HDLBP: variants seen among roughly 807,000 people sequenced by gnomAD.
HDLBP encodes high density lipoprotein binding protein.
A neutral mutation model predicts 137.3 loss-of-function variants in HDLBP; 30 were observed. The observed-to-expected ratio is 0.22, with a 90% CI of 0.16 to 0.30. HDLBP has a LOEUF of 0.30. HDLBP is among the 10% of genes least tolerant of loss of function. The pLI is 1.00. For missense variants in HDLBP, 1,119 were observed against 1,667.3 expected, an observed-to-expected ratio of 0.67 and a Z score of 5.73; for synonymous variants, 606 against 596.0, an observed-to-expected ratio of 1.02 and a Z score of -0.24.
At chr2:241,298,063 AAAAAAAAAAAAAAAAAAAAG>A (rs1426412508) in intron 1 of HDLBP, among the ~76,000 whole-genome samples, 2 of 141,112 alleles carry the variant, frequency 1.4e-5, no homozygotes, top group Admixed American at 7.2e-5. Context: ...AAAAAAAAAA[AAAAAAAAAAAAAAAAAAAAG>A]GGCCAGGCAT....
intron 1 of HDLBP, among the ~76,000 whole-genome samples, chr2:241,303,222 G>A (rs938860486): frequency 6.6e-6 from 1 of 152,184 alleles, no homozygotes; most frequent in African/African-American, 2.4e-5. Context: ...TTTAGAGGCC[G>A]ACAGAAGGGC....
At chr2:241,269,242 A>T (rs2073895049) in intron 1 of HDLBP, 1 of 152,220 alleles carries the variant, frequency 6.6e-6, no homozygotes, top group Non-Finnish European at 1.5e-5. Flanking sequence ...TGGCGACCAC[A>T]TGTGCTCCTC....
At chr2:241,311,750 T>C (rs1384910919) in intron 1 of HDLBP, among the ~76,000 whole-genome samples, 1 of 152,244 alleles carries the variant, frequency 6.6e-6, no homozygotes, top group Admixed American at 6.5e-5. Context: ...AAAACAATCC[T>C]ATTATACCAC....
At chr2:241,286,284 A>AAATAAATC (rs2074805184) in intron 1 of HDLBP, among the ~76,000 whole-genome samples, 1 of 152,146 alleles carries the variant, frequency 6.6e-6, no homozygotes, top group Non-Finnish European at 1.5e-5. Flanking sequence ...TCTGAAAGGA[A>AAATAAATC]AATAAATCTT....
chr2:241,238,864 C>A lies in HDLBP; in HGVS notation c.2611-77G>T. 8.2e-7 allele frequency: 1 copy of A among 1,215,548 alleles called. No homozygotes were observed. The highest frequency in any genetic ancestry group is 1.1e-6 in the Non-Finnish European group (1 of 884,142). The allele number at this position is 1,215,548 out of a possible 1,614,324, so 75.3% of individuals were successfully genotyped here. ...AGGGCAAGTTTTACAGCACTCTTCACACCACCTTCCTCCCTGTCCTCTACA... is the reference window on the plus strand; with the variant it reads ...AGGGCAAGTTTTACAGCACTCTTCAAACCACCTTCCTCCCTGTCCTCTACA... On this transcript the variant is annotated intron_variant, in intron 19 of 27. Coordinates refer to ENST00000310931, the MANE Select transcript of HDLBP (RefSeq NM_005336.6). The surrounding 1 kb of genome is among the most constrained non-coding windows in gnomAD (Gnocchi z 4.9).
chr2:241,267,456 G>T, intron 2 of HDLBP: 4 of 881,310 alleles, frequency 4.5e-6, no homozygotes, highest in Non-Finnish European at 7.2e-6. Context: ...ACCCCTAACC[G>T]CAGGGGTGGG....
intron 1 of HDLBP, among the ~76,000 whole-genome samples, chr2:241,287,339 G>C (rs2074853484): frequency 1.3e-5 from 2 of 151,518 alleles, no homozygotes; most frequent in Non-Finnish European, 2.9e-5. Context: ...TCAAACTTCT[G>C]ACACCGTGAT....
In HDLBP at chr2:241,305,854, G is replaced by A. The variant is rs760813772; in HGVS notation, c.-103+9716C>T. ...GGCTCACTGCAAAGTTCCGCCTCCC[G>A]GGTTCACGCCATTCTCCTGCCTCAG... On this transcript the variant is annotated intron_variant, in intron 1 of 27. Coordinates refer to ENST00000310931, the MANE Select transcript of HDLBP (RefSeq NM_005336.6). Among the ~76,000 whole-genome samples the A allele has an allele frequency of 5.4e-5, 8 of 149,166 alleles. No homozygotes were observed. In the South Asian group the frequency reaches 8.7e-4, roughly 16 times the overall value.
chr2:241,312,807 A>C (rs1039318982), intron 1 of HDLBP, among the ~76,000 whole-genome samples: 4 of 152,242 alleles, frequency 2.6e-5, no homozygotes, highest in Non-Finnish European at 5.9e-5. Context: ...GCACTAATGG[A>C]GAATCCATAT....
intron 4 of HDLBP, 137 bp downstream of exon 4, chr2:241,264,311 G>A (rs573519998): frequency 1.3e-4 from 69 of 542,630 alleles, no homozygotes; most frequent in Non-Finnish European, 1.8e-4. Flanking sequence ...GCAGTGAGCC[G>A]AGATCGCACC....
Position 241,239,806 on chromosome 2 carries a change from T to C in HDLBP, c.2406A>G (p.Glu802=), listed in dbSNP as rs761359186. 7.7e-5 allele frequency: 125 copies of C among 1,613,744 alleles called. No homozygotes were observed. Among genetic ancestry groups the C allele is most frequent in the Non-Finnish European group, 1.0e-4 (122 of 1,179,990 alleles). Residue 802 remains glutamate (E), a synonymous_variant, in exon 19 of 28, where the codon GAA becomes GAG. Coordinates refer to ENST00000310931, the MANE Select transcript of HDLBP (RefSeq NM_005336.6). The surrounding 1 kb of genome is among the most constrained non-coding windows in gnomAD (Gnocchi z 4.6). ...ALIQNLDNVV[E]DSMLVDPKHH... ...GCTTGGGGTCCACCAGCATGGAGTCTTCCACCACATTATCCTGCAGTGTTA... is the reference window on the plus strand; with the variant it reads ...GCTTGGGGTCCACCAGCATGGAGTCCTCCACCACATTATCCTGCAGTGTTA...
intron 1 of HDLBP, chr2:241,280,033 T>C (rs1014657785): frequency 1.0e-6 from 1 of 985,250 alleles, no homozygotes; most frequent in East Asian, 1.1e-4. Context: ...GGAGCAGAGA[T>C]GTGGAGGACA....
At chr2:241,280,583 T>G (rs1020154360) in intron 1 of HDLBP, among the ~76,000 whole-genome samples, 2 of 152,214 alleles carry the variant, frequency 1.3e-5, no homozygotes, top group Non-Finnish European at 2.9e-5. Flanking sequence ...ATTCACGTAT[T>G]TCTAGGTAAG....
At chr2:241,236,906 G>T in intron 20 of HDLBP, 137 bp from the exon 21 acceptor site, 1 of 798,964 alleles carries the variant, frequency 1.3e-6, no homozygotes. Flanking sequence ...TGTCCTTCAG[G>T]AGGTCTTGGT....
Position 241,229,896 on chromosome 2 carries a change from G to T in HDLBP, c.3657C>A (p.Ala1219=). The stretch of plus-strand genomic sequence containing the variant: ...CCACAAAGCCTCTGGAAGGTGCCTT[G>T]GCCTCTTCGTGTGCTGGGGGTTTCA... ...VYMKPPAHEE[A]KAPSRGFVVR... is the part of the protein sequence containing the mutation. The change falls in exon 27 of 28, where the codon GCC becomes GCA. Residue 1219 remains alanine, a synonymous_variant. Transcript: ENST00000310931. 6.3e-7 allele frequency: 1 copy of T among 1,596,534 alleles called. No homozygotes were observed. Among genetic ancestry groups the T allele is most frequent in the East Asian group, 2.3e-5 (1 of 44,172 alleles).
At chr2:241,266,219 TC>T (rs1258220932) in intron 3 of HDLBP, among the ~76,000 whole-genome samples, 4 of 152,070 alleles carry the variant, frequency 2.6e-5, no homozygotes, top group South Asian at 2.1e-4. Flanking sequence ...TATCAATGGT[TC>T]CCCCCCTTTT....
intron 1 of HDLBP, among the ~76,000 whole-genome samples, chr2:241,296,985 C>A (rs960193881): frequency 3.3e-5 from 5 of 152,256 alleles, no homozygotes; most frequent in African/African-American, 1.2e-4. Context: ...GACAAGGACA[C>A]CACACAGTAA....
At chr2:241,236,331 C>CT in intron 21 of HDLBP, 1 of 438,528 alleles carries the variant, frequency 2.3e-6, no homozygotes, top group South Asian at 3.1e-5. Context: ...AGCTGAGACC[C>CT]TTCCACAGCC....
chr2:241,293,833 G>A (rs1211326291), intron 1 of HDLBP, among the ~76,000 whole-genome samples: 1 of 148,748 alleles, frequency 6.7e-6, no homozygotes, highest in Admixed American at 6.7e-5. Context: ...GCGGCAGGAA[G>A]ATCGCCTGAG....
Sources: allele counts gnomAD v4.1 joint callset (sites outside exome capture counted in the v4.1 genomes callset), GRCh38; gene constraint gnomAD v4.1.1; non-coding constraint Gnocchi (gnomAD v3.1); transcripts MANE v1.5; gene names NCBI Gene and HGNC (gene_info 2026-07-23, HGNC 2026-07-21).